FAM83G: variants seen among roughly 807,000 people sequenced by gnomAD.
FAM83G encodes the protein protein FAM83G.
Under a neutral mutation model 61.5 loss-of-function variants are expected in FAM83G, and 38 were observed. That is an observed-to-expected ratio of 0.62 (90% CI 0.48 to 0.81). The LOEUF is 0.81. Among genes scored for constraint, FAM83G ranks in the 30% least tolerant of loss-of-function variants. The pLI is 0.00. For synonymous variants in FAM83G, 470 were observed against 476.1 expected (o/e 0.99, Z 0.17); for missense variants, 989 against 1,133.6 (o/e 0.87, Z 1.83).
rs752458526 is a variant in FAM83G, at chr17:18,978,869, G to A, written c.816-19C>T. 1 of 1,609,260 alleles carries A rather than the reference G, an allele frequency of 6.2e-7. No individual in the cohort carries two copies. Among genetic ancestry groups the A allele is most frequent in the South Asian group, 1.1e-5 (1 of 90,812 alleles). On this transcript the variant is annotated intron_variant, in intron 4 of 5. Transcript: ENST00000388995. ...CGTGAAGCTGCAACAGAGGGAGGGG[G>A]CGCTGGTCAGGCACATGACCCTGCT...
At chr17:19,002,099 G>A (rs1409469578) in intron 2 of FAM83G, among the ~76,000 whole-genome samples, 6 of 151,302 alleles carry the variant, frequency 4.0e-5, no homozygotes, top group African/African-American at 1.5e-4. Flanking sequence ...TGCAAACTAT[G>A]AAGGTCCCTT....
Position 19,003,914 on chromosome 17 carries a change from C to G in FAM83G, c.128G>C (p.Arg43Pro), listed in dbSNP as rs760306747. 1.9e-6 allele frequency: 3 copies of G among 1,612,856 alleles called. No individual in the cohort carries two copies. Among genetic ancestry groups the G allele is most frequent in the African/African-American group, 2.7e-5 (2 of 74,922 alleles). ...CTTGAGCACCTCGTAGAAGGCGTCC[C>G]GGCCGCGGGCCACCAGGGCCTCCAG... is the stretch of plus-strand genomic sequence containing the variant. ...LALEALVARG[R>P]DAFYEVLKRE... The change falls in exon 2 of 6, where the codon CGG (arginine) becomes CCG (proline). Residue 43 changes from arginine to proline, a missense_variant. Coordinates refer to ENST00000388995, the MANE Select transcript of FAM83G (RefSeq NM_001039999.3). This position sits in a 1 kb window ranked among gnomAD's most constrained non-coding sequence, Gnocchi z 4.5.
Position 18,971,540 on chromosome 17 carries a change from G to A in FAM83G, c.2291C>T (p.Ala764Val), listed in dbSNP as rs1297168970. Residue 764 changes from alanine (A) to valine (V), a missense_variant, in exon 6 of 6, where the codon GCC becomes GTC. Physicochemically the swap from Ala to Val is moderately conservative, Grantham distance 64. This residue lies in a region of FAM83G where 574 missense variants were observed against 645.1 expected (regional missense o/e 0.89). Coordinates refer to ENST00000388995, the MANE Select transcript of FAM83G (RefSeq NM_001039999.3). This position sits in a 1 kb window ranked among gnomAD's most constrained non-coding sequence, Gnocchi z 5.5. ...ATCGGTCATGGGGCGGGCATTTTGG[G>A]CCAGTCTTGGGCTGCCGGGATCCGG... The part of the protein sequence containing the change: ...LLPDPGSPRL[A>V]QNARPMTDGR... The A allele has an allele frequency of 6.2e-7, 1 of 1,613,922 alleles. No individual in the cohort carries two copies. The highest frequency in any genetic ancestry group is 1.3e-5 in the African/African-American group (1 of 75,054).
Position 18,979,654 on chromosome 17 carries a change from C to G in FAM83G, c.710G>C (p.Ser237Thr), listed in dbSNP as rs201510193. The change falls in exon 4 of 6, where the codon AGC (serine) becomes ACC (threonine). Residue 237 changes from serine to threonine, a missense_variant. Transcript: ENST00000388995. Reference sequence around the variant, plus strand: ...CCGCGTGAAGAACTCAGTTCCCCCGCTGCTCCGCACTCTGAGATTCTGTTT... The same window carrying G: ...CCGCGTGAAGAACTCAGTTCCCCCGGTGCTCCGCACTCTGAGATTCTGTTT... ...GHLKNLRVRS[S>T]GGTEFFTRSA... The G allele has an allele frequency of 6.2e-7, 1 of 1,613,502 alleles. No homozygotes were observed. The highest frequency in any genetic ancestry group is 8.5e-7 in the Non-Finnish European group (1 of 1,179,992).
At chr17:18,974,205 T>C (rs2042927683) in intron 5 of FAM83G, among the ~76,000 whole-genome samples, 1 of 152,098 alleles carries the variant, frequency 6.6e-6, no homozygotes, top group Non-Finnish European at 1.5e-5. Context: ...TTTGTATTTT[T>C]AGTAGAAATG....
At chr17:18,980,722 C>T (rs2043109812) in intron 3 of FAM83G, among the ~76,000 whole-genome samples, 2 of 152,154 alleles carry the variant, frequency 1.3e-5, no homozygotes, top group Non-Finnish European at 2.9e-5. Flanking sequence ...TGGCCAAGGG[C>T]ATCCCGAAGT....
rs1306564175 is a variant in FAM83G at position 18,968,961 on chromosome 17, C to T, written c.*2398G>A. 4 of 1,284,398 alleles carry T rather than the reference C, an allele frequency of 3.1e-6. No homozygotes were observed. The highest frequency in any genetic ancestry group is 2.3e-5 in the Admixed American group (1 of 42,766). 79.6% of individuals were successfully genotyped at this position (1,284,398 alleles called of 1,614,324 possible). A position where few individuals can be genotyped will look rare whatever the true frequency, so the allele number is the denominator to read the frequency against. On this transcript the variant is annotated 3_prime_UTR_variant, in exon 6 of 6. Coordinates refer to ENST00000388995, the MANE Select transcript of FAM83G (RefSeq NM_001039999.3). This position sits in a 1 kb window ranked among gnomAD's most constrained non-coding sequence, Gnocchi z 4.1. ...CCTCCTTATCCACAGGCCACCGAGG[C>T]CCAGAGAGGGCCTTGCCCGAGGTCA...
chr17:19,003,782 G>C lies in FAM83G; in HGVS notation c.260C>G (p.Ser87Cys), dbSNP rs1235991381. Residue 87 changes from serine to cysteine, a missense_variant, in exon 2 of 6, where the codon TCT becomes TGT. Coordinates refer to ENST00000388995, the MANE Select transcript of FAM83G (RefSeq NM_001039999.3). The surrounding 1 kb of genome is among the most constrained non-coding windows in gnomAD (Gnocchi z 4.5). ...GSEDPRGTGPSQGPEDNGVGD... is the reference protein window; with the variant it reads ...GSEDPRGTGPCQGPEDNGVGD... The stretch of plus-strand genomic sequence containing the variant: ...GACCCCATTGTCCTCGGGCCCCTGA[G>C]AGGGGCCCGTGCCCCGAGGGTCCTC... 1 of 1,611,520 alleles carries C rather than the reference G, an allele frequency of 6.2e-7. No individual in the cohort carries two copies. Among genetic ancestry groups the C allele is most frequent in the Non-Finnish European group, 8.5e-7 (1 of 1,179,326 alleles).
intron 3 of FAM83G, among the ~76,000 whole-genome samples, chr17:18,984,199 G>A (rs563672597): frequency 7.9e-5 from 12 of 152,090 alleles, no homozygotes; most frequent in Middle Eastern, 3.4e-3. Flanking sequence ...AAAATTAGCC[G>A]GGCGTGGTGG....
Position 18,971,312 on chromosome 17 carries a change from T to A in FAM83G, c.*47A>T. On this transcript the variant is annotated 3_prime_UTR_variant, in exon 6 of 6. Transcript: ENST00000388995. This position sits in a 1 kb window ranked among gnomAD's most constrained non-coding sequence, Gnocchi z 5.5. ...GCCTGTCTGCCCTCCGCGTCATGAG[T>A]CTGGGCTGGGGCCTCAGAAGGTGTG... 1.2e-6 allele frequency: 2 copies of A among 1,607,532 alleles called. No homozygotes were observed. Among genetic ancestry groups the A allele is most frequent in the Non-Finnish European group, 1.7e-6 (2 of 1,175,820 alleles).
At position 18,979,606 on chromosome 17, in the gene FAM83G, G is replaced by T. The variant is rs1567792093; in HGVS notation, c.758C>A (p.Ala253Asp). The change falls in exon 4 of 6, where the codon GCC (alanine) becomes GAC (aspartate). Residue 253 changes from alanine to aspartate, a missense_variant. Physicochemically the swap from Ala to Asp is moderately radical, Grantham distance 126. This residue lies in a region of FAM83G where 371 missense variants were observed against 404.5 expected (regional missense o/e 0.92). Coordinates refer to ENST00000388995, the MANE Select transcript of FAM83G (RefSeq NM_001039999.3). ...FTRSATKFKG[A>D]LAQKFMFVDG... is the part of the protein sequence containing the mutation. Reference sequence around the variant, plus strand: ...CACAAACATGAACTTCTGGGCCAGGGCACCCTTGAACTTGGTTGCCGACCG... The same window carrying T: ...CACAAACATGAACTTCTGGGCCAGGTCACCCTTGAACTTGGTTGCCGACCG... 1 of 1,613,546 alleles carries T rather than the reference G, an allele frequency of 6.2e-7. No individual in the cohort carries two copies. The highest frequency in any genetic ancestry group is 1.3e-5 in the African/African-American group (1 of 75,054).
In FAM83G at chr17:18,971,142, A is replaced by G. The variant is rs199714461; in HGVS notation, c.*217T>C. On this transcript the variant is annotated 3_prime_UTR_variant, in exon 6 of 6. Coordinates refer to ENST00000388995, the MANE Select transcript of FAM83G (RefSeq NM_001039999.3). The surrounding 1 kb of genome is among the most constrained non-coding windows in gnomAD (Gnocchi z 5.5). ...GCCATGCACATGTTTCGAGACCCCC[A>G]CACAGGGGACCTGCCGTGGACCGGG... 1.2e-4 allele frequency: 199 copies of G among 1,613,984 alleles called. No homozygotes were observed. The Middle Eastern group carries it at 5.4e-3, about 44-fold the overall frequency.
At chr17:18,976,663 G>T in intron 5 of FAM83G, 1 of 669,804 alleles carries the variant, frequency 1.5e-6, no homozygotes, top group Non-Finnish European at 2.4e-6. Context: ...TCGCTGCTTG[G>T]CCTGCTGAAG....
At chr17:18,984,169 C>T (rs754317057) in intron 3 of FAM83G, among the ~76,000 whole-genome samples, 34 of 152,074 alleles carry the variant, frequency 2.2e-4, no homozygotes, top group Non-Finnish European at 2.6e-4. Flanking sequence ...GGTGAAACCC[C>T]ATCTCTACTA....
Position 18,978,013 on chromosome 17 carries a change from G to A in FAM83G, c.1653C>T (p.His551=), listed in dbSNP as rs757061635. ...CAGATAGCTGCCGCTGGAGTGGGGC[G>A]TGGCCTGGGCCTGCCATCCTGGGTA... ...HRLPRMAGPG[H]APLQRQLSVT... Residue 551 remains histidine, a synonymous_variant, in exon 5 of 6, where the codon CAC becomes CAT. Transcript: ENST00000388995. 30 of 1,553,052 alleles carry A rather than the reference G, an allele frequency of 1.9e-5. No individual in the cohort carries two copies. The highest frequency in any genetic ancestry group is 2.3e-5 in the Non-Finnish European group (26 of 1,149,922).
intron 5 of FAM83G, 107 bp downstream of exon 5, chr17:18,977,477 A>G: frequency 9.0e-7 from 1 of 1,116,978 alleles, no homozygotes; most frequent in Non-Finnish European, 1.3e-6. Flanking sequence ...AGGGAATTGA[A>G]GTCATCAGAG....
upstream of FAM83G, chr17:19,004,923 G>C (rs1296244456): frequency 6.6e-6 from 1 of 152,206 alleles, no homozygotes; most frequent in Non-Finnish European, 1.5e-5. This position sits in a 1 kb window ranked among gnomAD's most constrained non-coding sequence, Gnocchi z 5.4. Context: ...CCTGGTGCCC[G>C]AATTCCGAAA....
At chr17:18,979,359 G>T in intron 4 of FAM83G, 190 bp downstream of exon 4, 2 of 713,546 alleles carry the variant, frequency 2.8e-6, no homozygotes, top group Non-Finnish European at 4.5e-6. Context: ...GAACAACAGC[G>T]TCCTCAGACA....
intron 4 of FAM83G, 76 bp from the exon 5 acceptor site, chr17:18,978,926 G>A (rs771319857): frequency 3.2e-4 from 497 of 1,532,902 alleles, no homozygotes; most frequent in Non-Finnish European, 4.1e-4. Flanking sequence ...ACCCATAGCC[G>A]CTGGGCCTCA....
Sources: allele counts gnomAD v4.1 joint callset (sites outside exome capture counted in the v4.1 genomes callset), GRCh38; gene constraint gnomAD v4.1.1; regional missense constraint gnomAD v4.1.1; non-coding constraint Gnocchi (gnomAD v3.1); transcripts MANE v1.5; gene names NCBI Gene and HGNC (gene_info 2026-07-23, HGNC 2026-07-21).